Variants in CROCC2 observed in about 807,000 individuals in gnomAD.
CROCC2 encodes the protein ciliary rootlet coiled-coil protein 2.
In CROCC2, 163 loss-of-function variants were observed where a neutral mutation model predicts 177.6. The observed-to-expected ratio is 0.92, with a 90% CI of 0.81 to 1.05. The LOEUF (loss-of-function observed/expected upper bound fraction) is 1.05. Among genes scored for constraint, CROCC2 ranks in the 50% least tolerant of loss-of-function variants. The pLI is 0.00. For missense variants in CROCC2, 1,929 were observed against 1,797.8 expected (o/e 1.07, Z -1.32); for synonymous variants, 904 against 787.3 (o/e 1.15, Z -2.48).
intron 20 of CROCC2, 71 bp from the exon 21 acceptor site, chr2:240,963,485 C>T: frequency 1.6e-5 from 23 of 1,421,520 alleles, no homozygotes; most frequent in Non-Finnish European, 2.1e-5. Flanking sequence ...TGTCAGAGGC[C>T]ACAGGCCCCT....
At chr2:240,974,189 C>T (rs1387836819) in intron 27 of CROCC2, among the ~76,000 whole-genome samples, 2 of 152,190 alleles carry the variant, frequency 1.3e-5, no homozygotes, top group African/African-American at 2.4e-5. Flanking sequence ...TTCTCTCCTT[C>T]GTGTTGGAGA....
At position 240,963,320 on chromosome 2, in the gene CROCC2, G is replaced by C. The variant is rs1048330345; in HGVS notation, c.3088-236G>C. ...CCGCAGCGTGGGGCCGGGCCCAGGG[G>C]CTCAAGGTGGGGTCTTCTGGGCTCT... On this transcript the variant is annotated intron_variant, in intron 20 of 31. Coordinates refer to ENST00000690015, the MANE Select transcript of CROCC2 (RefSeq NM_001351305.2). 3 of 519,238 alleles carry C rather than the reference G, an allele frequency of 5.8e-6. No individual in the cohort carries two copies. The Admixed American group carries it at 9.4e-5, about 16-fold the overall frequency. 32.2% of individuals were successfully genotyped at this position (519,238 alleles called of 1,614,324 possible).
chr2:240,916,489 G>C (rs1302289688), intron 1 of CROCC2, among the ~76,000 whole-genome samples: 1 of 61,670 alleles, frequency 1.6e-5, no homozygotes, highest in East Asian at 9.0e-4. Context: ...GCGCCCCCGC[G>C]CCCCCTGCGC....
intron 20 of CROCC2, among the ~76,000 whole-genome samples, chr2:240,961,420 C>T (rs553894919): frequency 6.6e-6 from 1 of 152,012 alleles, no homozygotes; most frequent in African/African-American, 2.4e-5. Context: ...GCACCAAGCA[C>T]ACACACGCAT....
At position 240,970,611 on chromosome 2, in the gene CROCC2, C is replaced by T. The variant is rs375085298; in HGVS notation, c.4401+2349C>T. 3.2e-4 allele frequency among the ~76,000 whole-genome samples: 48 copies of T among 152,344 alleles called. 1 individual carries two copies. The East Asian group carries it at 7.3e-3, about 23-fold the overall frequency. ...AGGGTCTTGTCCCTTCCCTTCCCAG[C>T]TGCACTGCTTCCACCTGCGCCCTAG... On this transcript the variant is annotated intron_variant, in intron 27 of 31. Coordinates refer to ENST00000690015, the MANE Select transcript of CROCC2 (RefSeq NM_001351305.2).
intron 5 of CROCC2, among the ~76,000 whole-genome samples, chr2:240,929,135 A>G (rs1429020837): frequency 6.6e-6 from 1 of 152,038 alleles, no homozygotes; most frequent in Non-Finnish European, 1.5e-5. Flanking sequence ...GCTGGGGGGA[A>G]TCTCAGGTGT....
At chr2:240,931,335 G>A (rs2059430019) in intron 7 of CROCC2, among the ~76,000 whole-genome samples, 1 of 152,214 alleles carries the variant, frequency 6.6e-6, no homozygotes, top group Admixed American at 6.5e-5. Context: ...CAGACACTGG[G>A]GTCTCCTACA....
At chr2:240,921,588 C>T (rs1574748321) in intron 3 of CROCC2, among the ~76,000 whole-genome samples, 1 of 152,210 alleles carries the variant, frequency 6.6e-6, no homozygotes, top group Admixed American at 6.5e-5. Flanking sequence ...CGCCAGCTCC[C>T]GGGCGGCTCA....
Position 240,918,591 on chromosome 2 carries a change from C to T in CROCC2, c.79-135C>T. ...CATGCGCCTGAGTGACCTGCCCAGC[C>T]TCACCCTGTCCTCTCCAGGGCACTC... On this transcript the variant is annotated intron_variant, in intron 1 of 31. Coordinates refer to ENST00000690015, the MANE Select transcript of CROCC2 (RefSeq NM_001351305.2). The surrounding 1 kb of genome is among the most constrained non-coding windows in gnomAD (Gnocchi z 6.3). 2 of 441,552 alleles carry T rather than the reference C, an allele frequency of 4.5e-6. No homozygotes were observed. The highest frequency in any genetic ancestry group is 3.5e-5 in the East Asian group (1 of 28,354). The allele number at this position is 441,552 out of a possible 1,614,324, so 27.4% of individuals were successfully genotyped here.
intron 28 of CROCC2, chr2:240,983,402 C>A: frequency 7.8e-7 from 1 of 1,287,436 alleles, no homozygotes; most frequent in African/African-American, 1.5e-5. Context: ...AATCCCTGGC[C>A]CACGCCCAGC....
chr2:240,958,188 G>A lies in CROCC2; in HGVS notation c.2944-1113G>A. ...CAGGCGCCAGATGACAGGACAGCGT[G>A]CGCCCCTAGGCTGAGTCACCACTGC... On this transcript the variant is annotated intron_variant, in intron 19 of 31. Transcript: ENST00000690015. The surrounding 1 kb of genome is among the most constrained non-coding windows in gnomAD (Gnocchi z 6.7). 2 of 985,366 alleles carry A rather than the reference G, an allele frequency of 2.0e-6. No homozygotes were observed. The highest frequency in any genetic ancestry group is 2.4e-6 in the Non-Finnish European group (2 of 829,882). 61.0% of individuals were successfully genotyped at this position (985,366 alleles called of 1,614,324 possible).
chr2:240,934,377 G>A lies in CROCC2; in HGVS notation c.1693G>A (p.Glu565Lys). The A allele has an allele frequency of 6.5e-7, 1 of 1,548,820 alleles. No homozygotes were observed. Among genetic ancestry groups the A allele is most frequent in the Non-Finnish European group, 8.7e-7 (1 of 1,146,926 alleles). ...GGAGGAGAAGGTCTCCGGGCTCAGA[G>A]AGGAGCTGGCATCGGTCCGGGAGGC... is the stretch of plus-strand genomic sequence containing the variant. ...QLEEKVSGLR[E>K]ELASVREALS... The change falls in exon 12 of 32, where the codon GAG (glutamate) becomes AAG (lysine). Residue 565 changes from glutamate (E) to lysine (K), a missense_variant. By Grantham distance (56) the Glu-to-Lys change is moderately conservative. Coordinates refer to ENST00000690015, the MANE Select transcript of CROCC2 (RefSeq NM_001351305.2).
chr2:240,932,684 C>T lies in CROCC2; in HGVS notation c.1045-18C>T. 1 of 728,948 alleles carries T rather than the reference C, an allele frequency of 1.4e-6. No individual in the cohort carries two copies. The highest frequency in any genetic ancestry group is 1.5e-5 in the South Asian group (1 of 67,782). The allele number at this position is 728,948 out of a possible 1,614,324, so 45.2% of individuals were successfully genotyped here. A position where few individuals can be genotyped will look rare whatever the true frequency, so the allele number is the denominator to read the frequency against. On this transcript the variant is annotated intron_variant, in intron 8 of 31. Transcript: ENST00000690015. ...TGTGCTCTGGGCCCCTCTATCCCTT[C>T]CTCTCTGCACCTTGAAGGTGGCCCA...
rs530790574 is a variant in CROCC2, at chr2:240,955,911, G to C, written c.2882G>C (p.Arg961Thr). The part of the protein sequence containing the change: ...ERSLLSEELS[R>T]ARRTLERVQQ... ...AGCCTTCTGAGTGAGGAGCTCTCCA[G>C]GGCCAGGAGGACGCTAGAGCGGGTA... The change falls in exon 19 of 32, where the codon AGG (arginine) becomes ACG (threonine). Residue 961 changes from arginine to threonine, a missense_variant. Arg to Thr is a moderately conservative substitution (Grantham distance 71). This residue lies in a region of CROCC2 where 1,397 missense variants were observed against 1,239.9 expected (regional missense o/e 1.13). Transcript: ENST00000690015. 2.5e-3 allele frequency: 3,884 copies of C among 1,534,998 alleles called. 9 individuals carry two copies. Among genetic ancestry groups the C allele is most frequent in the Non-Finnish European group, 3.1e-3 (3,560 of 1,146,908 alleles).
chr2:240,923,380 G>C (rs182549147), intron 4 of CROCC2, among the ~76,000 whole-genome samples: 2 of 151,678 alleles, frequency 1.3e-5, no homozygotes, highest in African/African-American at 2.4e-5. Flanking sequence ...CCCTGAGATG[G>C]AGCTGACGAT....
chr2:240,967,068 C>T (rs1352498183), intron 25 of CROCC2, among the ~76,000 whole-genome samples: 1 of 152,170 alleles, frequency 6.6e-6, no homozygotes, highest in Non-Finnish European at 1.5e-5. Flanking sequence ...CCTGCCAGCT[C>T]TCCCACACCA....
In CROCC2 at chr2:240,932,427, G is replaced by A; in HGVS notation, c.1044+13G>A. The A allele has an allele frequency of 1.4e-6, 1 of 717,508 alleles. No individual in the cohort carries two copies. Among genetic ancestry groups the A allele is most frequent in the Non-Finnish European group, 2.6e-6 (1 of 385,070 alleles). The allele number at this position is 717,508 out of a possible 1,614,324, so 44.4% of individuals were successfully genotyped here. On this transcript the variant is annotated intron_variant, in intron 8 of 31. Transcript: ENST00000690015. ...CCTGCAGAACCTGGTTGGTGGGCAG[G>A]ACGGGGGTGGCTGTGTGGCAGGGGT...
At chr2:240,959,716 T>A in intron 20 of CROCC2, 1 of 348,742 alleles carries the variant, frequency 2.9e-6, no homozygotes, top group Non-Finnish European at 5.2e-6. Flanking sequence ...CTGACACCAG[T>A]TTTCAGGGGA....
At chr2:240,963,827 C>G in intron 21 of CROCC2, 54 bp downstream of exon 21, 1 of 1,525,476 alleles carries the variant, frequency 6.6e-7, no homozygotes, top group Non-Finnish European at 8.9e-7. Flanking sequence ...GCTGCCCACC[C>G]AGGCCGTAGG....
Sources: gnomAD v4.1 joint callset for allele counts (sites outside exome capture counted in the v4.1 genomes callset) on GRCh38, gnomAD v4.1.1 for gene constraint, gnomAD v4.1.1 regional missense constraint, Gnocchi (gnomAD v3.1) non-coding constraint, MANE v1.5 for transcripts, NCBI Gene and HGNC (gene_info 2026-07-23, HGNC 2026-07-21) for gene names.